DPP10: variants seen among roughly 807,000 people sequenced by gnomAD.
The protein encoded by DPP10 is inactive dipeptidyl peptidase 10.
Under a neutral mutation model 120.9 loss-of-function variants are expected in DPP10, and 33 were observed. The ratio of observed to expected loss-of-function variants is 0.27; its 90% confidence interval spans 0.21 to 0.37. DPP10 has a LOEUF of 0.37. Among genes scored for constraint, DPP10 ranks in the 10% least tolerant of loss-of-function variants. The probability of loss-of-function intolerance (pLI) is 1.00; values close to 1 mark genes in which losing one functional copy is unlikely to be tolerated. For synonymous variants in DPP10, 337 were observed against 326.1 expected (o/e 1.03, Z -0.36); for missense variants, 816 against 942.8 (o/e 0.87, Z 1.76).
chr2:115,389,644 G>A (rs889160444), intron 3 of DPP10, among the ~76,000 whole-genome samples: 1 of 152,070 alleles, frequency 6.6e-6, no homozygotes, highest in African/African-American at 2.4e-5. Flanking sequence ...GAAGAGTCCC[G>A]TTAGAGTAAT....
chr2:115,675,715 G>A (rs2090200425), intron 5 of DPP10, among the ~76,000 whole-genome samples: 1 of 152,168 alleles, frequency 6.6e-6, no homozygotes, highest in Non-Finnish European at 1.5e-5. Context: ...ACCAGAGGGA[G>A]TTGCCTGGAG....
At chr2:114,591,552 C>CTTTTTTTTTTT (rs1388048473) in intron 1 of DPP10, among the ~76,000 whole-genome samples, 27 of 128,526 alleles carry the variant, frequency 2.1e-4, no homozygotes, top group African/African-American at 8.5e-4. Flanking sequence ...CAACCTCTTC[C>CTTTTTTTTTTT]TATTTTTTTT....
At chr2:115,815,583 G>T in intron 20 of DPP10, 92 bp from the exon 21 acceptor site, 1 of 1,078,496 alleles carries the variant, frequency 9.3e-7, no homozygotes. Context: ...CTAGTCATTA[G>T]CTATTGTTTT....
chr2:114,996,422 CCAGA>C (rs1701087496), intron 1 of DPP10, among the ~76,000 whole-genome samples: 1 of 152,070 alleles, frequency 6.6e-6, no homozygotes, highest in Admixed American at 6.5e-5. Flanking sequence ...AAATACTAAC[CCAGA>C]CATTTACTTT....
intron 1 of DPP10, among the ~76,000 whole-genome samples, chr2:114,817,066 A>C (rs1445697675): frequency 6.6e-6 from 1 of 152,178 alleles, no homozygotes; most frequent in Non-Finnish European, 1.5e-5. Flanking sequence ...GTATGCTTGG[A>C]AATGGTTTTG....
chr2:115,220,027 T>G (rs908726879), intron 1 of DPP10, among the ~76,000 whole-genome samples: 5 of 152,166 alleles, frequency 3.3e-5, no homozygotes, highest in Non-Finnish European at 4.4e-5. Context: ...ACTGAACACT[T>G]ACTGTGATCT....
chr2:114,962,339 CAT>C (rs2104726302), intron 1 of DPP10, among the ~76,000 whole-genome samples: 1 of 152,220 alleles, frequency 6.6e-6, no homozygotes, highest in South Asian at 2.1e-4. Flanking sequence ...TAGGATCCAA[CAT>C]ATGTTTCCAA....
chr2:115,367,568 T>C (rs75151402), intron 3 of DPP10, among the ~76,000 whole-genome samples: 1,571 of 152,168 alleles, frequency 0.01, 24 homozygotes, highest in African/African-American at 0.037. Context: ...ACTTTCTTTA[T>C]ACTTTTCTAA....
At chr2:114,943,669 T>G (rs1697138747) in intron 1 of DPP10, among the ~76,000 whole-genome samples, 1 of 152,222 alleles carries the variant, frequency 6.6e-6, no homozygotes, top group South Asian at 2.1e-4. Flanking sequence ...AGCATACACC[T>G]GCACGTGTCT....
At chr2:114,713,635 A>G (rs1421466360) in intron 1 of DPP10, among the ~76,000 whole-genome samples, 3 of 152,140 alleles carry the variant, frequency 2.0e-5, no homozygotes, top group Non-Finnish European at 4.4e-5. Context: ...TGATTCCCAC[A>G]CTCAAGAAAT....
chr2:115,051,689 TA>T (rs1368110771), intron 1 of DPP10, among the ~76,000 whole-genome samples: 1 of 152,114 alleles, frequency 6.6e-6, no homozygotes, highest in Admixed American at 6.5e-5. Context: ...ACACACAATA[TA>T]AAAAGACAAT....
intron 1 of DPP10, among the ~76,000 whole-genome samples, chr2:115,038,416 GC>G (rs1455980684): frequency 6.6e-6 from 1 of 151,728 alleles, no homozygotes; most frequent in Non-Finnish European, 1.5e-5. Flanking sequence ...GACTACAGGC[GC>G]CCGCCACCAC....
At chr2:115,356,564 G>T (rs2064404009) in intron 3 of DPP10, among the ~76,000 whole-genome samples, 1 of 152,004 alleles carries the variant, frequency 6.6e-6, no homozygotes, top group African/African-American at 2.4e-5. Context: ...TTGCCTGATT[G>T]CCCTGGCCAG....
At chr2:115,788,695 A>G (rs1683603343) in intron 17 of DPP10, among the ~76,000 whole-genome samples, 2 of 152,252 alleles carry the variant, frequency 1.3e-5, no homozygotes, top group African/African-American at 4.8e-5. Context: ...ACACGAGAAG[A>G]AATACAGTAT....
chr2:114,498,573 C>T (rs78541578), intron 1 of DPP10, among the ~76,000 whole-genome samples: 4,680 of 152,240 alleles, frequency 0.031, 79 homozygotes, highest in Middle Eastern at 0.075. Flanking sequence ...ATGCCCATAT[C>T]GGGTTGGCCT....
intron 1 of DPP10, among the ~76,000 whole-genome samples, chr2:115,004,052 A>G (rs942080464): frequency 6.6e-6 from 1 of 152,184 alleles, no homozygotes; most frequent in African/African-American, 2.4e-5. Context: ...AACATCTGAA[A>G]CTGCACTTCG....
chr2:114,855,954 A>AC (rs1174833878), intron 1 of DPP10, among the ~76,000 whole-genome samples: 1 of 151,908 alleles, frequency 6.6e-6, no homozygotes, highest in Non-Finnish European at 1.5e-5. Context: ...AGGCTAAAAA[A>AC]AAAAAGCCAC....
intron 8 of DPP10, among the ~76,000 whole-genome samples, chr2:115,735,265 GTAT>G (rs1431674020): frequency 6.6e-6 from 1 of 152,038 alleles, no homozygotes; most frequent in Non-Finnish European, 1.5e-5. Context: ...TTGCAGGATG[GTAT>G]TAGTCCTGTT....
At chr2:115,328,369 A>G (rs2062489772) in intron 2 of DPP10, among the ~76,000 whole-genome samples, 1 of 152,086 alleles carries the variant, frequency 6.6e-6, no homozygotes, top group Non-Finnish European at 1.5e-5. Flanking sequence ...AGCATTTTGA[A>G]TGATTGACTA....
Sources: gnomAD v4.1 joint callset for allele counts (sites outside exome capture counted in the v4.1 genomes callset) on GRCh38, gnomAD v4.1.1 for gene constraint, MANE v1.5 for transcripts, NCBI Gene and HGNC (gene_info 2026-07-23, HGNC 2026-07-21) for gene names.